EMSY: variants seen among roughly 807,000 people sequenced by gnomAD.
EMSY encodes BRCA2-interacting transcriptional repressor EMSY.
EMSY carries 26 observed loss-of-function variants against 134.6 expected under a neutral mutation model. That is an observed-to-expected ratio of 0.19 (90% CI 0.14 to 0.27). The LOEUF is 0.27. EMSY is among the 10% of genes least tolerant of loss of function. The pLI is 1.00. For synonymous variants in EMSY, 579 were observed against 577.8 expected (o/e 1.00, Z -0.03); for missense variants, 1,305 against 1,611.4 (o/e 0.81, Z 3.26).
intron 18 of EMSY, among the ~76,000 whole-genome samples, chr11:76,543,673 G>T (rs1177473578): frequency 2.0e-5 from 3 of 152,184 alleles, no homozygotes; most frequent in African/African-American, 7.2e-5. Context: ...CCAGGGCTCT[G>T]GGATCTGAGC....
chr11:76,482,111 C>A (rs894514190), intron 8 of EMSY, among the ~76,000 whole-genome samples: 5 of 152,140 alleles, frequency 3.3e-5, no homozygotes, highest in African/African-American at 1.2e-4. Flanking sequence ...CAAACAGGGT[C>A]TGGAGTGGAC....
At chr11:76,533,138 C>T (rs771579777) in intron 14 of EMSY, among the ~76,000 whole-genome samples, 2 of 151,894 alleles carry the variant, frequency 1.3e-5, no homozygotes, top group South Asian at 2.1e-4. Flanking sequence ...TATATTACAT[C>T]GTAAAAGGGA....
At chr11:76,533,476 GT>G (rs67555631) in intron 14 of EMSY, among the ~76,000 whole-genome samples, 60,856 of 151,930 alleles carry the variant, frequency 0.4, 12,586 homozygotes, top group South Asian at 0.51. Context: ...TTAGAAAGTA[GT>G]GAGTACTTTG....
At chr11:76,467,782 A>G (rs1315997786) in intron 7 of EMSY, among the ~76,000 whole-genome samples, 6 of 152,012 alleles carry the variant, frequency 3.9e-5, no homozygotes, top group African/African-American at 1.4e-4. Flanking sequence ...ACCTGAGGGT[A>G]GGAGTTCTGA....
chr11:76,504,288 T>A (rs746420880), intron 9 of EMSY, among the ~76,000 whole-genome samples: 95 of 149,216 alleles, frequency 6.4e-4, no homozygotes, highest in Non-Finnish European at 1.2e-3. Context: ...ATATGAGTTT[T>A]TATATATATA....
At chr11:76,477,191 A>G (rs1466478939) in intron 8 of EMSY, among the ~76,000 whole-genome samples, 2 of 151,446 alleles carry the variant, frequency 1.3e-5, no homozygotes, top group African/African-American at 4.8e-5. Context: ...TTCTAAGGAT[A>G]TACAATCAAA....
chr11:76,477,276 T>G (rs1022717765), intron 8 of EMSY, among the ~76,000 whole-genome samples: 38 of 151,152 alleles, frequency 2.5e-4, no homozygotes, highest in African/African-American at 5.1e-4. Flanking sequence ...TTCTGTTTTT[T>G]TTTTTGTTTT....
At chr11:76,457,154 G>A (rs749786474) in intron 4 of EMSY, among the ~76,000 whole-genome samples, 9 of 151,900 alleles carry the variant, frequency 5.9e-5, no homozygotes, top group Non-Finnish European at 7.4e-5. Context: ...ATCATTATTA[G>A]CATTATCATT....
At position 76,478,084 on chromosome 11, in the gene EMSY, G is replaced by T. The variant is rs149110856; in HGVS notation, c.1108+5244G>T. Among the ~76,000 whole-genome samples, 686 of 151,964 alleles carry T rather than the reference G, an allele frequency of 4.5e-3. 2 individuals carry two copies. Among genetic ancestry groups the T allele is most frequent in the Admixed American group, 9.8e-3 (149 of 15,278 alleles). On this transcript the variant is annotated intron_variant, in intron 8 of 20. Coordinates refer to ENST00000334736, the Ensembl canonical transcript of EMSY. Reference sequence around the variant, plus strand: ...TCTGCACTTTATATACTTTCTTTAGGCTGGCCCTGAATGCAGTTTCTGTTT... The same window carrying T: ...TCTGCACTTTATATACTTTCTTTAGTCTGGCCCTGAATGCAGTTTCTGTTT...
exon 4 of EMSY, chr11:76,453,353 A>C (rs1259974181): frequency 3.1e-6 from 5 of 1,613,164 alleles, no homozygotes; most frequent in Non-Finnish European, 4.2e-6. Context: ...TTCGGAGAGC[A>C]GTAAACGATG....
chr11:76,487,538 G>GT (rs1949238105), intron 8 of EMSY, among the ~76,000 whole-genome samples: 1 of 152,214 alleles, frequency 6.6e-6, no homozygotes, highest in Non-Finnish European at 1.5e-5. Context: ...GTAAGTAAGT[G>GT]TAAGAAAATA....
intron 4 of EMSY, 55 bp from the exon 5 acceptor site, chr11:76,454,694 C>G (rs1473672243): frequency 8.2e-7 from 1 of 1,213,184 alleles, no homozygotes; most frequent in Non-Finnish European, 1.1e-6. Context: ...GCATCAGTTT[C>G]ATACTTAAAG....
At chr11:76,545,357 TGTA>T (rs1280355690) in intron 19 of EMSY, among the ~76,000 whole-genome samples, 1 of 152,136 alleles carries the variant, frequency 6.6e-6, no homozygotes, top group Non-Finnish European at 1.5e-5. Flanking sequence ...TCTGGAGTGA[TGTA>T]TATGTATGTA....
chr11:76,464,216 A>G lies in EMSY; in HGVS notation c.831+136A>G, dbSNP rs1350125180. 3.4e-5 allele frequency: 38 copies of G among 1,121,002 alleles called. No homozygotes were observed. The East Asian group carries it at 9.5e-4, about 28-fold the overall frequency. The allele number at this position is 1,121,002 out of a possible 1,614,324, so 69.4% of individuals were successfully genotyped here. On this transcript the variant is annotated intron_variant, in intron 7 of 20. Transcript: ENST00000334736. Reference sequence around the variant, plus strand: ...ATGTTCACATCTTTTACTTTGTTTAATTTTCCAGATAAGGCTTTGGGATAG... The same window carrying G: ...ATGTTCACATCTTTTACTTTGTTTAGTTTTCCAGATAAGGCTTTGGGATAG...
At chr11:76,496,550 A>G in intron 9 of EMSY, 81 bp downstream of exon 10, 2 of 1,460,742 alleles carry the variant, frequency 1.4e-6, no homozygotes, top group South Asian at 2.3e-5. Context: ...TGAACACGGT[A>G]TGTCTCTTCA....
In EMSY at chr11:76,526,473, T is replaced by C. The variant is rs772520758; in HGVS notation, c.1833T>C (p.Thr611=). The change falls in exon 13 of 21, where the codon ACT becomes ACC. Residue 611 remains threonine (T), a synonymous_variant. Coordinates refer to ENST00000334736, the Ensembl canonical transcript of EMSY. Reference sequence around the variant, plus strand: ...TGACTTCAATTTAGGGAGAAAAGACTATTCAGACAGTGCCAACAGGAGCAA... The same window carrying C: ...TGACTTCAATTTAGGGAGAAAAGACCATTCAGACAGTGCCAACAGGAGCAA... The C allele has an allele frequency of 1.9e-6, 3 of 1,607,484 alleles. No homozygotes were observed. In the Admixed American group the frequency reaches 5.1e-5, roughly 27 times the overall value.
At chr11:76,544,524 C>T (rs752006274) in exon 19 of EMSY, 8 of 1,614,002 alleles carry the variant, frequency 5.0e-6, no homozygotes, top group Middle Eastern at 1.6e-4. Flanking sequence ...CACAAACTCC[C>T]GCAAATGCCC....
chr11:76,544,621 C>T (rs1951572514), exon 19 of EMSY: 1 of 1,614,040 alleles, frequency 6.2e-7, no homozygotes, highest in South Asian at 1.1e-5. Context: ...CACAGCATCC[C>T]ATGGTGGCCA....
intron 8 of EMSY, among the ~76,000 whole-genome samples, chr11:76,490,340 A>C (rs1949368977): frequency 6.6e-6 from 1 of 152,078 alleles, no homozygotes; most frequent in Admixed American, 6.6e-5. Flanking sequence ...TATAAACCTG[A>C]CTATCCACTA....
Sources: gnomAD v4.1 joint callset for allele counts (sites outside exome capture counted in the v4.1 genomes callset) on GRCh38, gnomAD v4.1.1 for gene constraint, MANE v1.5 for transcripts, NCBI Gene and HGNC (gene_info 2026-07-23, HGNC 2026-07-21) for gene names.